SMAD3: variants seen among roughly 807,000 people sequenced by gnomAD.
The protein encoded by SMAD3 is MAD homolog 3.
A neutral mutation model predicts 51.8 loss-of-function variants in SMAD3; 12 were observed. The ratio of observed to expected loss-of-function variants is 0.23; its 90% CI spans 0.15 to 0.38. The LOEUF is 0.38. SMAD3 is among the 10% of genes least tolerant of loss of function. The probability of loss-of-function intolerance (pLI) is 1.00; values close to 1 mark genes in which losing one functional copy is unlikely to be tolerated. For missense variants in SMAD3, 294 were observed against 565.6 expected (o/e 0.52, Z 4.87); for synonymous variants, 238 against 227.7 (o/e 1.05, Z -0.41).
intron 1 of SMAD3, chr15:67,125,696 C>A: frequency 3.0e-6 from 3 of 985,118 alleles, no homozygotes; most frequent in Non-Finnish European, 3.6e-6. Flanking sequence ...TGAGTCATGC[C>A]CAGGGGAGCA....
chr15:67,105,238 A>G (rs1960850108), intron 1 of SMAD3, among the ~76,000 whole-genome samples: 1 of 152,186 alleles, frequency 6.6e-6, no homozygotes, highest in Non-Finnish European at 1.5e-5. Flanking sequence ...GGCGCTCTCC[A>G]AAGTTCTTGC....
intron 1 of SMAD3, among the ~76,000 whole-genome samples, chr15:67,153,028 G>A (rs1044294025): frequency 1.3e-5 from 2 of 152,126 alleles, no homozygotes; most frequent in Non-Finnish European, 2.9e-5. Context: ...TAACATCTAG[G>A]TTCAAGCCCA....
At chr15:67,089,002 C>T (rs4776884) in intron 1 of SMAD3, among the ~76,000 whole-genome samples, 68,724 of 151,536 alleles carry the variant, frequency 0.45, 16,938 homozygotes, top group South Asian at 0.7. Context: ...GACCTTTCTC[C>T]AGAGAGCCCA....
chr15:67,157,673 C>T lies in SMAD3; in HGVS notation c.207-7222C>T, dbSNP rs576394621. Among the ~76,000 whole-genome samples the T allele has an allele frequency of 1.9e-3, 283 of 152,296 alleles. 2 individuals carry two copies. In the South Asian group the frequency reaches 0.034, roughly 18 times the overall value. On this transcript the variant is annotated intron_variant, in intron 1 of 8. Coordinates refer to ENST00000327367, the MANE Select transcript of SMAD3 (RefSeq NM_005902.4). ...AGTGGCTGATCGGTGGAAGTGCAGA[C>T]GTGAGTAGCACTTGGCATGAGGTGG...
chr15:67,066,235 G>A lies in SMAD3; in HGVS notation c.81G>A (p.Glu27=), dbSNP rs755882401. The A allele has an allele frequency of 2.1e-5, 34 of 1,613,500 alleles. No homozygotes were observed. The highest frequency in any genetic ancestry group is 2.7e-5 in the Non-Finnish European group (32 of 1,179,830). The part of the protein sequence containing the change: ...GWKKGEQNGQ[E]EKWCEKAVKS... ...AGAAGGGCGAGCAGAACGGGCAGGA[G>A]GAGAAATGGTGCGAGAAGGCGGTCA... The change falls in exon 1 of 9, where the codon GAG becomes GAA. Residue 27 remains glutamate, a synonymous_variant. Transcript: ENST00000327367.
intron 1 of SMAD3, among the ~76,000 whole-genome samples, chr15:67,164,168 A>G (rs1962508172): frequency 6.6e-6 from 1 of 151,442 alleles, no homozygotes; most frequent in Non-Finnish European, 1.5e-5. Context: ...AAACAAAATT[A>G]GCTGGGCGTA....
At chr15:67,069,849 G>T (rs1436481430) in intron 1 of SMAD3, among the ~76,000 whole-genome samples, 1 of 152,132 alleles carries the variant, frequency 6.6e-6, no homozygotes, top group African/African-American at 2.4e-5. Flanking sequence ...GGGATTACAG[G>T]CGCCCGCCAC....
chr15:67,168,764 G>C (rs1295916720), intron 4 of SMAD3, among the ~76,000 whole-genome samples: 3 of 152,114 alleles, frequency 2.0e-5, no homozygotes, highest in African/African-American at 7.2e-5. Flanking sequence ...TTTATCTACA[G>C]TAGAGACAGA....
Position 67,089,863 on chromosome 15 carries a change from G to C in SMAD3, c.206+23503G>C, listed in dbSNP as rs1035387982. 3.9e-5 allele frequency among the ~76,000 whole-genome samples: 6 copies of C among 152,222 alleles called. No individual in the cohort carries two copies. In the South Asian group the frequency reaches 1.0e-3, roughly 26 times the overall value. On this transcript the variant is annotated intron_variant, in intron 1 of 8. Transcript: ENST00000327367. ...GGCCCAGGGCATATAGCTAGGAAGC[G>C]GCCAGGCAGTAAGTGGGTAGCACCA...
At chr15:67,095,198 G>GT (rs1490304842) in intron 1 of SMAD3, among the ~76,000 whole-genome samples, 3 of 152,182 alleles carry the variant, frequency 2.0e-5, no homozygotes, top group Admixed American at 2.0e-4. Flanking sequence ...GTCACACAGT[G>GT]TGGCAGCCTT....
At chr15:67,073,527 A>T (rs1383865932) in intron 1 of SMAD3, among the ~76,000 whole-genome samples, 1 of 152,150 alleles carries the variant, frequency 6.6e-6, no homozygotes, top group African/African-American at 2.4e-5. Flanking sequence ...TAGGTTCTAG[A>T]CGTGGCTCTG....
intron 1 of SMAD3, among the ~76,000 whole-genome samples, chr15:67,157,987 G>A (rs186031942): frequency 1.1e-3 from 168 of 152,312 alleles, no homozygotes; most frequent in Middle Eastern, 6.8e-3. Context: ...CAGTGGGTGT[G>A]GGAGAGATCT....
chr15:67,170,458 G>A (rs1041236315), intron 4 of SMAD3, 96 bp from the exon 5 acceptor site: 43 of 1,015,808 alleles, frequency 4.2e-5, no homozygotes, highest in Admixed American at 1.7e-5. Flanking sequence ...TTTCTGCTGT[G>A]TTGGGCTACC....
chr15:67,125,039 A>C (rs1457363619), intron 1 of SMAD3, among the ~76,000 whole-genome samples: 2 of 152,224 alleles, frequency 1.3e-5, no homozygotes, highest in Non-Finnish European at 2.9e-5. Context: ...ACCCCACCCG[A>C]CCAGCCAAAT....
At chr15:67,095,208 T>A (rs1207564467) in intron 1 of SMAD3, among the ~76,000 whole-genome samples, 1 of 152,134 alleles carries the variant, frequency 6.6e-6, no homozygotes, top group Non-Finnish European at 1.5e-5. Flanking sequence ...GTGGCAGCCT[T>A]AGAAAGGTTA....
intron 1 of SMAD3, among the ~76,000 whole-genome samples, chr15:67,096,585 A>G (rs1960619263): frequency 6.6e-6 from 1 of 152,226 alleles, no homozygotes; most frequent in South Asian, 2.1e-4. Flanking sequence ...ACACATCAAG[A>G]GAGAGACTGT....
intron 8 of SMAD3, among the ~76,000 whole-genome samples, chr15:67,188,616 C>T (rs530750661): frequency 6.6e-6 from 1 of 152,262 alleles, no homozygotes; most frequent in Non-Finnish European, 1.5e-5. Flanking sequence ...CACACTCCCC[C>T]CTGCCAGCCG....
chr15:67,162,995 A>G (rs1962472100), intron 1 of SMAD3, among the ~76,000 whole-genome samples: 1 of 148,586 alleles, frequency 6.7e-6, no homozygotes, highest in African/African-American at 2.5e-5. Context: ...ATGATTTGAA[A>G]CGGAGTCTTG....
At position 67,172,250 on chromosome 15, in the gene SMAD3, T is replaced by G. The variant is rs1962773640; in HGVS notation, c.658+1646T>G. Among the ~76,000 whole-genome samples the G allele has an allele frequency of 4.6e-5, 7 of 152,340 alleles. 2 individuals are homozygous for G. The South Asian group carries it at 1.4e-3, about 32-fold the overall frequency. ...GGCAGCTTGCCTGAAAGTTGAGAAT[T>G]CTTAGGTTATTTCTTCCAAAGGGAG... On this transcript the variant is annotated intron_variant, in intron 5 of 8. Transcript: ENST00000327367.
Sources: gnomAD v4.1 joint callset for allele counts (sites outside exome capture counted in the v4.1 genomes callset) on GRCh38, gnomAD v4.1.1 for gene constraint, MANE v1.5 for transcripts, NCBI Gene and HGNC (gene_info 2026-07-23, HGNC 2026-07-21) for gene names.